PPP2R5C: variants seen among roughly 807,000 people sequenced by gnomAD.
PPP2R5C encodes the protein protein phosphatase 2 regulatory subunit B'gamma.
Under a neutral mutation model 68.9 loss-of-function variants are expected in PPP2R5C, and 7 were observed. That is an observed-to-expected ratio of 0.10 (90% confidence interval 0.06 to 0.19). The LOEUF is 0.19. Among genes scored for constraint, PPP2R5C ranks in the 10% least tolerant of loss-of-function variants. The pLI is 1.00. For synonymous variants in PPP2R5C, 210 were observed against 222.2 expected (o/e 0.95, Z 0.49); for missense variants, 348 against 641.3 (o/e 0.54, Z 4.94).
At chr14:101,829,530 T>C (rs1837527146) in intron 1 of PPP2R5C, among the ~76,000 whole-genome samples, 1 of 152,250 alleles carries the variant, frequency 6.6e-6, no homozygotes, top group South Asian at 2.1e-4. Flanking sequence ...TAATTGAGCT[T>C]GTTGCCTTAA....
At chr14:101,847,415 C>T (rs968088794) in intron 1 of PPP2R5C, among the ~76,000 whole-genome samples, 1 of 152,150 alleles carries the variant, frequency 6.6e-6, no homozygotes, top group African/African-American at 2.4e-5. Context: ...TTAGTGCAGC[C>T]TTCAGTGCCT....
chr14:101,783,925 G>A (rs764961606), intron 2 of PPP2R5C, among the ~76,000 whole-genome samples: 1 of 152,254 alleles, frequency 6.6e-6, no homozygotes, highest in Non-Finnish European at 1.5e-5. Context: ...CCCAGAGAAG[G>A]CGGAGCAGAA....
At chr14:101,872,050 T>C (rs2043453726) in intron 2 of PPP2R5C, among the ~76,000 whole-genome samples, 1 of 152,056 alleles carries the variant, frequency 6.6e-6, no homozygotes, top group African/African-American at 2.4e-5. Flanking sequence ...TTTACCCAGA[T>C]AGTTACAATT....
upstream of PPP2R5C, among the ~76,000 whole-genome samples, chr14:101,761,568 G>A (rs1171382067): frequency 1.4e-5 from 2 of 143,320 alleles, no homozygotes; most frequent in African/African-American, 2.5e-5. Flanking sequence ...TGAGTGCAGC[G>A]GGGCGGGGCC....
intron 2 of PPP2R5C, among the ~76,000 whole-genome samples, chr14:101,876,700 A>C (rs2043803675): frequency 6.6e-6 from 1 of 152,218 alleles, no homozygotes; most frequent in African/African-American, 2.4e-5. Context: ...GTGCTTCCTG[A>C]TATTAACCAG....
chr14:101,829,831 G>A (rs1418814965), intron 1 of PPP2R5C, among the ~76,000 whole-genome samples: 1 of 152,058 alleles, frequency 6.6e-6, no homozygotes, highest in Non-Finnish European at 1.5e-5. Flanking sequence ...GTCTTCAAAG[G>A]TGCTGCTTAG....
chr14:101,792,526 C>T (rs1361201984), intron 3 of PPP2R5C, among the ~76,000 whole-genome samples: 1 of 152,182 alleles, frequency 6.6e-6, no homozygotes, highest in Non-Finnish European at 1.5e-5. Flanking sequence ...AAATGGAGCT[C>T]CTACTGAAAA....
chr14:101,760,901 G>C (rs1266368805), upstream of PPP2R5C, among the ~76,000 whole-genome samples: 3 of 99,072 alleles, frequency 3.0e-5, no homozygotes, highest in Non-Finnish European at 6.4e-5. Flanking sequence ...GGTTGGTCGA[G>C]GGGAAGGGCT....
chr14:101,761,554 C>T (rs1342403704), upstream of PPP2R5C, among the ~76,000 whole-genome samples: 11 of 140,028 alleles, frequency 7.9e-5, no homozygotes, highest in Non-Finnish European at 1.4e-4. Flanking sequence ...TGGCAGGGCG[C>T]TGTTGAGTGC....
intron 2 of PPP2R5C, among the ~76,000 whole-genome samples, chr14:101,771,180 A>G (rs1202793153): frequency 2.6e-5 from 4 of 151,646 alleles, no homozygotes; most frequent in Non-Finnish European, 4.4e-5. Flanking sequence ...CCAGAAGGGG[A>G]AAAAAATGCT....
At chr14:101,875,917 G>GT (rs2043742722) in intron 2 of PPP2R5C, among the ~76,000 whole-genome samples, 1 of 152,154 alleles carries the variant, frequency 6.6e-6, no homozygotes. Context: ...TCAAGGCCTT[G>GT]TAACTAGGTC....
intron 5 of PPP2R5C, among the ~76,000 whole-genome samples, chr14:101,884,289 G>T (rs1298516445): frequency 2.0e-5 from 3 of 152,190 alleles, no homozygotes; most frequent in African/African-American, 7.2e-5. Flanking sequence ...CCAGGTTAAG[G>T]ATGGGTCTGC....
At chr14:101,828,581 A>T (rs2040543901) in intron 1 of PPP2R5C, among the ~76,000 whole-genome samples, 1 of 152,126 alleles carries the variant, frequency 6.6e-6, no homozygotes. Flanking sequence ...TCTGTTTCTA[A>T]GTATGATCAT....
chr14:101,875,516 C>T (rs1337961210), intron 2 of PPP2R5C, among the ~76,000 whole-genome samples: 10 of 152,138 alleles, frequency 6.6e-5, no homozygotes, highest in African/African-American at 9.7e-5. Context: ...GTGACTGATG[C>T]GTGCTTTTCC....
chr14:101,863,672 G>A (rs1440656234), intron 2 of PPP2R5C, among the ~76,000 whole-genome samples: 8 of 152,078 alleles, frequency 5.3e-5, no homozygotes, highest in African/African-American at 1.7e-4. Context: ...CAAGGCTGGC[G>A]GATCATGTGA....
At chr14:101,785,154 C>T (rs930340490) in intron 2 of PPP2R5C, among the ~76,000 whole-genome samples, 2 of 152,164 alleles carry the variant, frequency 1.3e-5, no homozygotes, top group African/African-American at 4.8e-5. Context: ...TCCAGCGGAG[C>T]GTTTCCTGGG....
Position 101,776,624 on chromosome 14 carries a change from G to A in PPP2R5C, c.94-9394G>A, listed in dbSNP as rs555674239. ...AAGACTCAAGGATGCTCAGCGGGTC[G>A]TGCAGCCCTCTCCACCACCTATTCC... On this transcript the variant is annotated intron_variant, in intron 2 of 14. Transcript: ENST00000328724. 2.4e-4 allele frequency among the ~76,000 whole-genome samples: 37 copies of A among 152,112 alleles called. 1 individual carries two copies. In the South Asian group the frequency reaches 6.6e-3, roughly 27 times the overall value.
intron 2 of PPP2R5C, among the ~76,000 whole-genome samples, chr14:101,860,128 C>T (rs2042664108): frequency 6.6e-6 from 1 of 152,076 alleles, no homozygotes; most frequent in Non-Finnish European, 1.5e-5. Context: ...AGTATCACAT[C>T]TGGTTTTAGA....
rs55657834 is a variant in PPP2R5C at position 101,911,883 on chromosome 14, CAA to C, written c.1254-504_1254-503del. Reference sequence around the variant, plus strand: ...TGGGCGACAGAGTGAGGCCCTGTCTCAAAAAAAAAAAAAAACTTGGATCTGAG... The same window carrying C: ...TGGGCGACAGAGTGAGGCCCTGTCTCAAAAAAAAAAAAACTTGGATCTGAG... On this transcript the variant is annotated intron_variant, in intron 11 of 13. Coordinates refer to ENST00000334743, the Ensembl canonical transcript of PPP2R5C. Among the ~76,000 whole-genome samples the C allele has an allele frequency of 1.7e-3, 215 of 124,834 alleles. 1 individual carries two copies. Among genetic ancestry groups the C allele is most frequent in the African/African-American group, 5.6e-3 (203 of 35,986 alleles). The allele number at this position is 124,834 out of a possible 152,430, so 81.9% of individuals were successfully genotyped here.
Sources: allele counts gnomAD v4.1 joint callset (sites outside exome capture counted in the v4.1 genomes callset), GRCh38; gene constraint gnomAD v4.1.1; transcripts MANE v1.5; gene names NCBI Gene and HGNC (gene_info 2026-07-23, HGNC 2026-07-21).